Variants in ADD3 observed in about 807,000 individuals in gnomAD.
ADD3 encodes adducin 3, also known as gamma-adducin.
A neutral mutation model predicts 80.2 loss-of-function variants in ADD3; 25 were observed. The observed-to-expected ratio is 0.31, with a 90% CI of 0.23 to 0.44. The LOEUF is 0.44. ADD3 is among the 20% of genes least tolerant of loss of function. The pLI, the probability that ADD3 is intolerant of heterozygous loss-of-function variation, is 1.00. For synonymous variants in ADD3, 284 were observed against 289.6 expected, an observed-to-expected ratio of 0.98 and a Z score of 0.20; for missense variants, 829 against 847.5, an observed-to-expected ratio of 0.98 and a Z score of 0.27.
rs140177728 is a variant in ADD3, at chr10:110,019,936, T to C, written c.-30+11637T>C. ...GAGCTTGTCAACTCCCAGAGTTTGT[T>C]GTCAGCTCTTCGGAAGCTAGAGCCT... On this transcript the variant is annotated intron_variant, in intron 1 of 14. Transcript: ENST00000356080. Among the ~76,000 whole-genome samples the C allele has an allele frequency of 3.7e-3, 564 of 152,326 alleles. 10 individuals are homozygous for C. The highest frequency in any genetic ancestry group is 0.023 in the Admixed American group (356 of 15,302).
At chr10:110,034,775 T>C (rs1392413262) in intron 1 of ADD3, among the ~76,000 whole-genome samples, 3 of 152,198 alleles carry the variant, frequency 2.0e-5, no homozygotes, top group Non-Finnish European at 2.9e-5. Context: ...TTTTAAAAAA[T>C]GTTATATCTA....
intron 1 of ADD3, among the ~76,000 whole-genome samples, chr10:110,031,917 T>TG (rs1006938466): frequency 2.9e-4 from 44 of 152,208 alleles, no homozygotes; most frequent in African/African-American, 1.1e-3. Context: ...TTTTTTTTTT[T>TG]TGTGATAACA....
At chr10:110,048,810 T>C (rs1267723701) in intron 1 of ADD3, among the ~76,000 whole-genome samples, 1 of 152,190 alleles carries the variant, frequency 6.6e-6, no homozygotes, top group Non-Finnish European at 1.5e-5. Context: ...GATGATGTGA[T>C]AGAAAAGGAA....
rs79149752 is a variant in ADD3 at position 110,052,596 on chromosome 10, G to A, written c.-30+44297G>A. Among the ~76,000 whole-genome samples, 647 of 152,292 alleles carry A rather than the reference G, an allele frequency of 4.2e-3. 3 individuals carry two copies. The highest frequency in any genetic ancestry group is 0.014 in the African/African-American group (590 of 41,554). On this transcript the variant is annotated intron_variant, in intron 1 of 14. Transcript: ENST00000356080. ...CTGTGGAAAAATTGTCTTCCCTGGTGCCAAAAAAGTTGGGGACCGATGGTC... is the reference window on the plus strand; with the variant it reads ...CTGTGGAAAAATTGTCTTCCCTGGTACCAAAAAAGTTGGGGACCGATGGTC...
At chr10:110,031,103 T>G (rs1385350888) in intron 1 of ADD3, among the ~76,000 whole-genome samples, 1 of 152,210 alleles carries the variant, frequency 6.6e-6, no homozygotes, top group Admixed American at 6.5e-5. Flanking sequence ...GAGGAAACAC[T>G]GTCTCTACTA....
At chr10:110,110,643 C>G (rs904083481) in intron 2 of ADD3, among the ~76,000 whole-genome samples, 3 of 152,068 alleles carry the variant, frequency 2.0e-5, no homozygotes, top group Non-Finnish European at 2.9e-5. Context: ...ACATCTACCA[C>G]CTCATACCCT....
chr10:110,069,908 G>T (rs926446913), intron 1 of ADD3, among the ~76,000 whole-genome samples: 1 of 152,148 alleles, frequency 6.6e-6, no homozygotes, highest in South Asian at 2.1e-4. Context: ...ACTGTGGTTC[G>T]CTAATAGATT....
At chr10:110,067,313 C>CAT (rs1844077534) in intron 1 of ADD3, among the ~76,000 whole-genome samples, 5 of 152,296 alleles carry the variant, frequency 3.3e-5, no homozygotes, top group Admixed American at 3.3e-4. Flanking sequence ...TTTCTAGCCA[C>CAT]ATGATTGAAA....
chr10:110,130,467 T>G lies in ADD3; in HGVS notation c.1713T>G (p.Arg571=), dbSNP rs766307626. The stretch of plus-strand genomic sequence containing the variant: ...AAGAGTATAAGAGGACAATCGAACG[T>G]AAACAACAAGGCCTAGAAGGTTAGT... ...ELEEYKRTIE[R]KQQGLEDAEQ... is the part of the protein sequence containing the mutation. The change falls in exon 13 of 15, where the codon CGT becomes CGG. Residue 571 remains arginine, a synonymous_variant. Transcript: ENST00000356080. The G allele has an allele frequency of 6.2e-7, 1 of 1,613,984 alleles. No homozygotes were observed.
At chr10:110,021,516 G>A (rs1205366629) in intron 1 of ADD3, among the ~76,000 whole-genome samples, 2 of 152,152 alleles carry the variant, frequency 1.3e-5, no homozygotes, top group Non-Finnish European at 2.9e-5. Context: ...CATGCAGTGG[G>A]ATATTATGCA....
intron 1 of ADD3, among the ~76,000 whole-genome samples, chr10:109,997,316 G>A (rs773904624): frequency 3.9e-5 from 6 of 152,174 alleles, no homozygotes; most frequent in Admixed American, 3.3e-4. Context: ...AGGGTGGGGT[G>A]CCAAGCTGCA....
chr10:110,115,397 A>G (rs1417554797), intron 3 of ADD3, among the ~76,000 whole-genome samples: 3 of 152,150 alleles, frequency 2.0e-5, no homozygotes, highest in Non-Finnish European at 4.4e-5. Context: ...CTCAAAAAAA[A>G]ACAAAACAAG....
intron 1 of ADD3, among the ~76,000 whole-genome samples, chr10:110,028,756 A>T (rs925760797): frequency 6.6e-6 from 1 of 152,122 alleles, no homozygotes; most frequent in Non-Finnish European, 1.5e-5. Context: ...AGTTTTGCTA[A>T]TTTTATTTCC....
chr10:110,000,559 C>A (rs374466666), intron 1 of ADD3, among the ~76,000 whole-genome samples: 3 of 152,334 alleles, frequency 2.0e-5, no homozygotes, highest in East Asian at 3.9e-4. Context: ...TTATTACATT[C>A]ATTTGTCAAT....
chr10:110,063,139 T>C (rs983570978), intron 1 of ADD3, among the ~76,000 whole-genome samples: 5 of 152,202 alleles, frequency 3.3e-5, no homozygotes, highest in African/African-American at 1.2e-4. Context: ...TTTAAGTGTT[T>C]TGTGAATGTG....
intron 12 of ADD3, among the ~76,000 whole-genome samples, chr10:110,129,431 G>A (rs1455839130): frequency 2.6e-5 from 4 of 152,112 alleles, no homozygotes; most frequent in Admixed American, 6.5e-5. Flanking sequence ...TTACAGGTGT[G>A]AGCCACCGCG....
rs1410613283 is a variant in ADD3 at position 110,119,297 on chromosome 10, A to C, written c.804A>C (p.Ser268=). 1.2e-6 allele frequency: 2 copies of C among 1,614,062 alleles called. No homozygotes were observed. The highest frequency in any genetic ancestry group is 1.7e-6 in the Non-Finnish European group (2 of 1,180,020). ...TTGCCTATTATGACTACCAAGGGTC[A>C]CTTGAAGAACAGGAGGAGAGAATTC... ...GDVAYYDYQG[S]LEEQEERIQL... The change falls in exon 7 of 15, where the codon TCA becomes TCC. Residue 268 remains serine (S), a synonymous_variant. Coordinates refer to ENST00000356080, the MANE Select transcript of ADD3 (RefSeq NM_016824.5).
intron 1 of ADD3, among the ~76,000 whole-genome samples, chr10:110,083,617 G>A (rs1289269180): frequency 6.6e-6 from 1 of 152,124 alleles, no homozygotes; most frequent in Admixed American, 6.6e-5. Flanking sequence ...CTAATTAATA[G>A]GGATGGACTT....
At chr10:110,104,216 G>A (rs2133980329) in intron 2 of ADD3, among the ~76,000 whole-genome samples, 1 of 152,284 alleles carries the variant, frequency 6.6e-6, no homozygotes, top group East Asian at 1.9e-4. Context: ...CTGGTCCAAA[G>A]CAATTGTGAA....
Sources: gnomAD v4.1 joint callset for allele counts (sites outside exome capture counted in the v4.1 genomes callset) on GRCh38, gnomAD v4.1.1 for gene constraint, MANE v1.5 for transcripts, NCBI Gene and HGNC (gene_info 2026-07-23, HGNC 2026-07-21) for gene names.